Variants in DAB1 observed in about 807,000 individuals in gnomAD.
The protein encoded by DAB1 is DAB adaptor protein 1.
In DAB1, 15 loss-of-function variants were observed where a neutral mutation model predicts 64.6. The observed-to-expected ratio is 0.23, with a 90% CI of 0.16 to 0.36. The LOEUF (loss-of-function observed/expected upper bound fraction) is 0.36. Ranked by LOEUF, DAB1 falls within the 10% of genes least tolerant of loss-of-function variation. The probability of loss-of-function intolerance (pLI) is 1.00; values close to 1 mark genes in which losing one functional copy is unlikely to be tolerated. For missense variants in DAB1, 596 were observed against 706.7 expected (o/e 0.84, Z 1.78); for synonymous variants, 235 against 251.9 (o/e 0.93, Z 0.64).
At chr1:57,876,274 T>C (rs1010013989) in intron 1 of DAB1, 5 of 152,160 alleles carry the variant, frequency 3.3e-5, no homozygotes, top group African/African-American at 9.7e-5. Context: ...GAACTCCTGT[T>C]GCATCTTTAC....
intron 7 of DAB1, among the ~76,000 whole-genome samples, chr1:57,509,999 T>C (rs531616199): frequency 1.3e-5 from 2 of 152,308 alleles, no homozygotes; most frequent in East Asian, 3.9e-4. Context: ...TTGCTTTTTG[T>C]TTTTCAGGAA....
At chr1:57,347,046 A>G (rs1469350787) in intron 1 of DAB1, among the ~76,000 whole-genome samples, 1 of 152,228 alleles carries the variant, frequency 6.6e-6, no homozygotes, top group African/African-American at 2.4e-5. Context: ...CATAAAAGCT[A>G]TGATATCAAC....
intron 6 of DAB1, among the ~76,000 whole-genome samples, chr1:57,809,915 A>G (rs1651537956): frequency 6.6e-6 from 1 of 151,948 alleles, no homozygotes; most frequent in Non-Finnish European, 1.5e-5. Flanking sequence ...CCAAGACAAA[A>G]CCCCATCTGA....
At chr1:58,263,048 T>C (rs747418091) in intron 4 of DAB1, among the ~76,000 whole-genome samples, 3 of 152,232 alleles carry the variant, frequency 2.0e-5, no homozygotes, top group Non-Finnish European at 2.9e-5. Flanking sequence ...TGTTATTGAA[T>C]AATAATGTAA....
chr1:58,072,976 T>C (rs1303347041), intron 5 of DAB1, among the ~76,000 whole-genome samples: 2 of 152,190 alleles, frequency 1.3e-5, no homozygotes, highest in Admixed American at 1.3e-4. Flanking sequence ...ATAATGAAAG[T>C]AGTTTATACA....
At chr1:58,104,155 A>T (rs1349466105) in intron 5 of DAB1, among the ~76,000 whole-genome samples, 2 of 152,214 alleles carry the variant, frequency 1.3e-5, no homozygotes, top group East Asian at 3.8e-4. Flanking sequence ...CAGAGAGGGA[A>T]ATGCACCAGA....
chr1:57,958,983 T>C (rs915691519), intron 5 of DAB1, among the ~76,000 whole-genome samples: 2 of 152,216 alleles, frequency 1.3e-5, no homozygotes, highest in African/African-American at 4.8e-5. Flanking sequence ...TATCTTCTTT[T>C]GGGAGGACAC....
chr1:58,058,933 T>C (rs892217306), intron 5 of DAB1, among the ~76,000 whole-genome samples: 2 of 152,208 alleles, frequency 1.3e-5, no homozygotes, highest in Non-Finnish European at 2.9e-5. Flanking sequence ...ATGGTACCCA[T>C]CTTCCTGCCT....
chr1:57,749,989 A>G (rs1317886697), intron 6 of DAB1, among the ~76,000 whole-genome samples: 1 of 152,080 alleles, frequency 6.6e-6, no homozygotes, highest in Admixed American at 6.6e-5. Flanking sequence ...TGATATTTCA[A>G]ATAGTTTTTT....
At chr1:57,586,808 T>TAA (rs34961960) in intron 7 of DAB1, among the ~76,000 whole-genome samples, 2,046 of 141,148 alleles carry the variant, frequency 0.014, 38 homozygotes, top group South Asian at 0.051. Context: ...ATACTTTACT[T>TAA]AAAAAAAAAA....
chr1:57,761,917 A>G (rs892148014), intron 6 of DAB1, among the ~76,000 whole-genome samples: 11 of 152,162 alleles, frequency 7.2e-5, no homozygotes, highest in African/African-American at 2.4e-4. Flanking sequence ...GGGTCACAAC[A>G]TATGCTCAGC....
intron 4 of DAB1, among the ~76,000 whole-genome samples, chr1:58,265,251 T>G (rs1661133021): frequency 6.6e-6 from 1 of 152,202 alleles, no homozygotes. Context: ...GGTCACACAA[T>G]GTGAAACTGC....
At chr1:57,894,491 T>C (rs1432106928) in intron 5 of DAB1, among the ~76,000 whole-genome samples, 1 of 152,112 alleles carries the variant, frequency 6.6e-6, no homozygotes, top group Admixed American at 6.5e-5. Flanking sequence ...CAGGAGAGAA[T>C]ATTGCAGAAG....
At chr1:57,314,431 G>A (rs72905479) in intron 1 of DAB1, among the ~76,000 whole-genome samples, 2,072 of 152,208 alleles carry the variant, frequency 0.014, 58 homozygotes, top group African/African-American at 0.047. Flanking sequence ...TGCTGACCTG[G>A]TTCAACTTTC....
At chr1:57,262,387 T>G (rs1289689753) in intron 2 of DAB1, among the ~76,000 whole-genome samples, 1 of 152,130 alleles carries the variant, frequency 6.6e-6, no homozygotes, top group Admixed American at 6.5e-5. Flanking sequence ...CCACATTGGG[T>G]GCCATGGTTA....
rs145984789 is a variant in DAB1 at position 57,070,112 on chromosome 1, C to T, written c.598-687G>A. Among the ~76,000 whole-genome samples the T allele has an allele frequency of 1.3e-3, 201 of 152,320 alleles. 1 individual carries two copies. Among genetic ancestry groups the T allele is most frequent in the Non-Finnish European group, 2.3e-3 (158 of 68,032 alleles). ...ATCTTTGGCTTTTGTTTGCCGTATA[C>T]ATGAGATATTTTTCCACTTCAAGTC... is the stretch of plus-strand genomic sequence containing the variant. On this transcript the variant is annotated intron_variant, in intron 7 of 14. Coordinates refer to ENST00000371236, the MANE Select transcript of DAB1 (RefSeq NM_001365792.1).
intron 6 of DAB1, among the ~76,000 whole-genome samples, chr1:57,734,105 C>T (rs114936919): frequency 0.012 from 1,887 of 151,460 alleles, 34 homozygotes; most frequent in African/African-American, 0.044. Context: ...ACTCAGGAGG[C>T]GTGGATAAAA....
At chr1:57,116,781 G>T (rs1656176548) in intron 4 of DAB1, among the ~76,000 whole-genome samples, 1 of 152,142 alleles carries the variant, frequency 6.6e-6, no homozygotes, top group Non-Finnish European at 1.5e-5. Flanking sequence ...TAGGATACCT[G>T]CCATCCTTGA....
chr1:58,532,489 G>A (rs1646448973), intron 1 of DAB1, among the ~76,000 whole-genome samples: 4 of 152,110 alleles, frequency 2.6e-5, no homozygotes, highest in Admixed American at 6.5e-5. Flanking sequence ...CTGCTTAGAC[G>A]TATTCTTGTG....
Sources: gnomAD v4.1 joint callset for allele counts (sites outside exome capture counted in the v4.1 genomes callset) on GRCh38, gnomAD v4.1.1 for gene constraint, MANE v1.5 for transcripts, NCBI Gene and HGNC (gene_info 2026-07-23, HGNC 2026-07-21) for gene names.